NAA35: variants seen among roughly 807,000 people sequenced by gnomAD.
NAA35 encodes the protein N-alpha-acetyltransferase 35, NatC auxiliary subunit.
A neutral mutation model predicts 101.7 loss-of-function variants in NAA35; 18 were observed. The observed-to-expected ratio is 0.18, with a 90% CI of 0.12 to 0.26. The LOEUF is 0.26. Ranked by LOEUF, NAA35 falls within the 10% of genes least tolerant of loss-of-function variation. NAA35 has a pLI of 1.00. For synonymous variants in NAA35, 267 were observed against 273.1 expected (o/e 0.98, Z 0.22); for missense variants, 601 against 886.8 (o/e 0.68, Z 4.09).
rs934529235 is a variant in NAA35, at chr9:86,024,484, T to C, written c.*2524T>C. Among the ~76,000 whole-genome samples, 1 of 152,142 alleles carries C rather than the reference T, an allele frequency of 6.6e-6. No homozygotes were observed. Among genetic ancestry groups the C allele is most frequent in the Non-Finnish European group, 1.5e-5 (1 of 68,038 alleles). On this transcript the variant is annotated 3_prime_UTR_variant, in exon 23 of 23. Transcript: ENST00000361671. ...ATGATGGGATCAAGTCAAATCTGCT[T>C]GCCTGAGAATGGTTGAAAAGGGAGG...
chr9:85,979,201 C>T (rs1485259301), intron 11 of NAA35, among the ~76,000 whole-genome samples: 1 of 152,184 alleles, frequency 6.6e-6, no homozygotes, highest in Non-Finnish European at 1.5e-5. Context: ...GTACGCTAAG[C>T]AAAGGAGACA....
rs563767632 is a variant in NAA35, at chr9:85,991,326, G to C, written c.878-5073G>C. On this transcript the variant is annotated intron_variant, in intron 11 of 22. Transcript: ENST00000361671. ...CATGGAGGTGGTTGTGTGCAGGGCT[G>C]TCAGAGACCAAGCCAGGTAATGAGG... is the stretch of plus-strand genomic sequence containing the variant. 7.9e-5 allele frequency among the ~76,000 whole-genome samples: 12 copies of C among 152,180 alleles called. No homozygotes were observed. In the South Asian group the frequency reaches 2.5e-3, roughly 32 times the overall value.
At chr9:85,981,859 T>C (rs371281699) in intron 11 of NAA35, among the ~76,000 whole-genome samples, 1 of 152,170 alleles carries the variant, frequency 6.6e-6, no homozygotes, top group African/African-American at 2.4e-5. Context: ...AATAATAGTA[T>C]AGATTAGTTT....
chr9:85,996,661 T>G, intron 12 of NAA35, 84 bp downstream of exon 12: 3 of 1,107,956 alleles, frequency 2.7e-6, no homozygotes, highest in Non-Finnish European at 3.8e-6. Context: ...ATGTGGTAAC[T>G]TTGGTTTAAC....
chr9:85,986,336 T>G, intron 11 of NAA35: 1 of 460,998 alleles, frequency 2.2e-6, no homozygotes, highest in South Asian at 1.6e-5. Flanking sequence ...ATGCTGAATA[T>G]GGATTATAAC....
intron 11 of NAA35, among the ~76,000 whole-genome samples, chr9:85,982,205 C>T (rs1231612426): frequency 1.3e-5 from 2 of 151,904 alleles, no homozygotes; most frequent in African/African-American, 4.8e-5. Flanking sequence ...AGTATTTGGC[C>T]CTGGAAAATG....
At chr9:85,998,697 A>G (rs1175388723) in intron 12 of NAA35, among the ~76,000 whole-genome samples, 1 of 152,216 alleles carries the variant, frequency 6.6e-6, no homozygotes, top group Non-Finnish European at 1.5e-5. Flanking sequence ...GTAGGATTAT[A>G]GTAGCACATG....
At chr9:85,988,113 T>C (rs1256032534) in intron 11 of NAA35, among the ~76,000 whole-genome samples, 1 of 152,210 alleles carries the variant, frequency 6.6e-6, no homozygotes, top group Non-Finnish European at 1.5e-5. Context: ...ACATCACATG[T>C]GGCTTAAGGA....
chr9:85,968,061 A>G (rs1405246587), intron 6 of NAA35, among the ~76,000 whole-genome samples: 2 of 151,846 alleles, frequency 1.3e-5, no homozygotes, highest in East Asian at 1.9e-4. Context: ...CGTTCGGATT[A>G]TTTTGCTTTG....
intron 13 of NAA35, 63 bp downstream of exon 13, chr9:86,003,707 T>G: frequency 2.1e-6 from 2 of 967,958 alleles, no homozygotes; most frequent in Non-Finnish European, 3.1e-6. Context: ...CATTGTTTTA[T>G]TGATTGATTG....
At chr9:85,967,340 C>T (rs1829791999) in intron 6 of NAA35, among the ~76,000 whole-genome samples, 1 of 151,966 alleles carries the variant, frequency 6.6e-6, no homozygotes, top group African/African-American at 2.4e-5. Flanking sequence ...GCATTGTAGC[C>T]AACTGTGTAA....
Position 85,987,357 on chromosome 9 carries a change from GACT to G in NAA35, c.877+8980_877+8982del, listed in dbSNP as rs371685768. Among the ~76,000 whole-genome samples the G allele has an allele frequency of 2.9e-3, 437 of 152,280 alleles. 5 individuals are homozygous for G. The South Asian group carries it at 0.033, about 12-fold the overall frequency. ...GATATGGCTCCTTTAACTTCCTGAG[GACT>G]ACTGACCTTGGTGCCAAAGACAAAA... On this transcript the variant is annotated intron_variant, in intron 11 of 22. Coordinates refer to ENST00000361671, the MANE Select transcript of NAA35 (RefSeq NM_024635.4).
At chr9:85,991,533 G>C (rs376525242) in intron 11 of NAA35, among the ~76,000 whole-genome samples, 8 of 152,260 alleles carry the variant, frequency 5.3e-5, no homozygotes, top group African/African-American at 1.9e-4. Flanking sequence ...AAGTAGAAAG[G>C]TGGCTCCATG....
Position 86,012,314 on chromosome 9 carries a change from TCAC to T in NAA35, c.1291-726_1291-724del, listed in dbSNP as rs369523725. Among the ~76,000 whole-genome samples, 187 of 152,022 alleles carry T rather than the reference TCAC, an allele frequency of 1.2e-3. 4 individuals carry two copies. In the South Asian group the frequency reaches 0.033, roughly 27 times the overall value. On this transcript the variant is annotated intron_variant, in intron 15 of 22. Transcript: ENST00000361671. ...TTGTATTTTTATTAGTGACGGGGTTTCACCACCAACAGTCACAACTGTTGACCT... is the reference window on the plus strand; with the variant it reads ...TTGTATTTTTATTAGTGACGGGGTTTCACCAACAGTCACAACTGTTGACCT...
At chr9:85,996,743 G>A (rs1030332774) in intron 12 of NAA35, among the ~76,000 whole-genome samples, 166 bp downstream of exon 12, 3 of 152,146 alleles carry the variant, frequency 2.0e-5, no homozygotes, top group African/African-American at 7.2e-5. Flanking sequence ...TTCTGTGATA[G>A]CTAGAGGATT....
chr9:85,978,594 G>C (rs1378719745), intron 11 of NAA35, among the ~76,000 whole-genome samples: 1 of 152,186 alleles, frequency 6.6e-6, no homozygotes, highest in African/African-American at 2.4e-5. Flanking sequence ...TTACTATTTA[G>C]ACTTGGAATA....
At chr9:86,020,999 C>A in intron 22 of NAA35, 30 bp downstream of exon 22, 2 of 1,504,768 alleles carry the variant, frequency 1.3e-6, no homozygotes, top group South Asian at 1.2e-5. Context: ...AATAAGTGGT[C>A]TTAGATTATT....
chr9:85,969,661 C>T (rs1046108808), intron 6 of NAA35, among the ~76,000 whole-genome samples: 10 of 151,846 alleles, frequency 6.6e-5, no homozygotes, highest in African/African-American at 2.4e-4. Context: ...AAAAGGGGTA[C>T]CCACAGCCTG....
intron 2 of NAA35, among the ~76,000 whole-genome samples, chr9:85,952,590 A>G (rs1349779744): frequency 6.6e-6 from 1 of 151,938 alleles, no homozygotes; most frequent in Non-Finnish European, 1.5e-5. Flanking sequence ...TGGCTGTGCA[A>G]GTGTTTTTTT....
Sources: gnomAD v4.1 joint callset for allele counts (sites outside exome capture counted in the v4.1 genomes callset) on GRCh38, gnomAD v4.1.1 for gene constraint, MANE v1.5 for transcripts, NCBI Gene and HGNC (gene_info 2026-07-23, HGNC 2026-07-21) for gene names.